The following SMC3 variants were observed in gnomAD, a reference collection of about 807,000 sequenced individuals.
The protein encoded by SMC3 is structural maintenance of chromosomes protein 3.
Under a neutral mutation model 171.8 loss-of-function variants are expected in SMC3, and 20 were observed. That is an observed-to-expected ratio of 0.12 (90% CI 0.08 to 0.17). The LOEUF is 0.17. Among genes scored for constraint, SMC3 ranks in the 10% least tolerant of loss-of-function variants. SMC3 has a pLI of 1.00. For missense variants in SMC3, 543 were observed against 1,420.4 expected (o/e 0.38, Z 9.93); for synonymous variants, 464 against 451.1 (o/e 1.03, Z -0.36).
chr10:110,604,204 T>C, intron 28 of SMC3, 27 bp from the exon 29 acceptor site: 1 of 1,510,208 alleles, frequency 6.6e-7, no homozygotes, highest in Non-Finnish European at 9.2e-7. Context: ...AATTAACAGA[T>C]TTTTGTTTTT....
chr10:110,594,894 A>G (rs1011098900), intron 18 of SMC3, among the ~76,000 whole-genome samples: 3 of 152,130 alleles, frequency 2.0e-5, no homozygotes, highest in African/African-American at 7.2e-5. Flanking sequence ...ACATTAACCT[A>G]ATATCCTCTA....
At chr10:110,575,314 A>G in intron 3 of SMC3, 22 bp from the exon 4 acceptor site, 1 of 1,598,502 alleles carries the variant, frequency 6.3e-7, no homozygotes, top group Non-Finnish European at 8.6e-7. Flanking sequence ...GGGTATACTA[A>G]TAGTTGTTTT....
chr10:110,577,093 T>C (rs1269458267), intron 4 of SMC3, among the ~76,000 whole-genome samples: 1 of 152,198 alleles, frequency 6.6e-6, no homozygotes, highest in Non-Finnish European at 1.5e-5. Flanking sequence ...TATTTAAGGA[T>C]ATCTAACTTT....
rs569358268 is a variant in SMC3 at position 110,605,539 on chromosome 10, T to G, written c.*1237T>G. On this transcript the variant is annotated 3_prime_UTR_variant, in exon 29 of 29. Transcript: ENST00000361804. ...AATACCTAAAGAGATACTTTTAAAA[T>G]AAAGAAATAGTAATGGGACTTTAAA... Among the ~76,000 whole-genome samples the G allele has an allele frequency of 5.9e-5, 9 of 152,328 alleles. No individual in the cohort carries two copies. Among genetic ancestry groups the G allele is most frequent in the African/African-American group, 1.7e-4 (7 of 41,584 alleles).
At chr10:110,569,494 C>T (rs1860836032) in intron 2 of SMC3, among the ~76,000 whole-genome samples, 1 of 151,894 alleles carries the variant, frequency 6.6e-6, no homozygotes, top group Non-Finnish European at 1.5e-5. Flanking sequence ...GGGGTGGGGG[C>T]CTGGGGGAGG....
intron 14 of SMC3, 89 bp from the exon 15 acceptor site, chr10:110,589,803 G>C: frequency 2.0e-6 from 3 of 1,480,664 alleles, no homozygotes; most frequent in Non-Finnish European, 2.8e-6. Context: ...GGTCAGGCTT[G>C]TTTTCTGTAT....
rs538451764 is a variant in SMC3, at chr10:110,573,096, CAA to C, written c.92-610_92-609del. ...TAATTTGCTCAGGATATTTCTGGCT[CAA>C]GAGTGAGAAGACTGACATAGTTATT... On this transcript the variant is annotated intron_variant, in intron 2 of 28. Coordinates refer to ENST00000361804, the MANE Select transcript of SMC3 (RefSeq NM_005445.4). Among the ~76,000 whole-genome samples, 18 of 152,166 alleles carry C rather than the reference CAA, an allele frequency of 1.2e-4. No homozygotes were observed. The South Asian group carries it at 3.1e-3, about 26-fold the overall frequency.
intron 6 of SMC3, 89 bp downstream of exon 6, chr10:110,578,003 C>T (rs1860978301): frequency 3.4e-6 from 3 of 883,500 alleles, no homozygotes; most frequent in East Asian, 5.0e-5. Flanking sequence ...GTCTCGAACT[C>T]TTGGCCTCAA....
chr10:110,580,138 C>T (rs1186301785), intron 7 of SMC3, among the ~76,000 whole-genome samples: 1 of 151,936 alleles, frequency 6.6e-6, no homozygotes, highest in Non-Finnish European at 1.5e-5. Flanking sequence ...TATAATTAAT[C>T]TAGATATTAA....
chr10:110,570,046 T>G (rs533769160), intron 2 of SMC3, among the ~76,000 whole-genome samples: 2 of 152,308 alleles, frequency 1.3e-5, no homozygotes, highest in Admixed American at 1.3e-4. Context: ...AGATATTTTT[T>G]TTCTCATAGT....
At chr10:110,599,573 C>A in intron 20 of SMC3, 81 bp from the exon 21 acceptor site, 1 of 1,295,910 alleles carries the variant, frequency 7.7e-7, no homozygotes, top group Non-Finnish European at 1.1e-6. Context: ...TTAGCTCAAT[C>A]AAATATAGAT....
intron 17 of SMC3, among the ~76,000 whole-genome samples, chr10:110,591,581 G>T (rs1348651147): frequency 6.6e-6 from 1 of 152,152 alleles, no homozygotes; most frequent in East Asian, 1.9e-4. Context: ...GAAAAAAATG[G>T]CTAGTAAGGT....
chr10:110,575,884 A>T (rs1163888160), intron 4 of SMC3, among the ~76,000 whole-genome samples: 2 of 152,244 alleles, frequency 1.3e-5, no homozygotes, highest in Admixed American at 6.5e-5. Flanking sequence ...GAGGTTGCAG[A>T]TTAGGAACTT....
chr10:110,567,831 G>A lies in SMC3; in HGVS notation c.15G>A (p.Gln5=), dbSNP rs1860796238. 2 of 1,613,514 alleles carry A rather than the reference G, an allele frequency of 1.2e-6. No homozygotes were observed. The highest frequency in any genetic ancestry group is 1.7e-6 in the Non-Finnish European group (2 of 1,179,768). Residue 5 remains glutamine, a splice_region_variant and synonymous_variant, in exon 1 of 29, where the codon CAG becomes CAA. Coordinates refer to ENST00000361804, the MANE Select transcript of SMC3 (RefSeq NM_005445.4). ...GGCCCGGAATCATGTACATAAAGCA[G>A]GTAAGGCCTTCGCGTCCCTCCACCC... MYIK[Q]VIIQGFRSYR... is the part of the protein sequence containing the mutation.
Position 110,603,012 on chromosome 10 carries a change from CAGTACAGTTTT to C in SMC3, c.3475+11_3475+21del. ...AGAAAGGCTGTGTCAGGTACAGTTT[CAGTACAGTTTT>C]GGTTTTGTATTTAACAATAAGCTGG... On this transcript the variant is annotated intron_variant, in intron 27 of 28. Transcript: ENST00000361804. The C allele has an allele frequency of 6.2e-7, 1 of 1,613,902 alleles. No individual in the cohort carries two copies. Among genetic ancestry groups the C allele is most frequent in the Non-Finnish European group, 8.5e-7 (1 of 1,179,840 alleles).
Position 110,605,677 on chromosome 10 carries a change from AAT to A in SMC3, c.*1377_*1378del, listed in dbSNP as rs1333232393. Among the ~76,000 whole-genome samples, 2 of 152,206 alleles carry A rather than the reference AAT, an allele frequency of 1.3e-5. No homozygotes were observed. The highest frequency in any genetic ancestry group is 2.9e-5 in the Non-Finnish European group (2 of 68,018). ...CTTTGCTATAACATAACTGATCTATAATAGAGAATTTGGTATATGTTCTATCT... is the reference window on the plus strand; with the variant it reads ...CTTTGCTATAACATAACTGATCTATAAGAGAATTTGGTATATGTTCTATCT... On this transcript the variant is annotated 3_prime_UTR_variant, in exon 29 of 29. Transcript: ENST00000361804.
At chr10:110,573,610 T>C in intron 2 of SMC3, 97 bp from the exon 3 acceptor site, 1 of 817,590 alleles carries the variant, frequency 1.2e-6, no homozygotes, top group Non-Finnish European at 2.0e-6. Flanking sequence ...TATTAGAAAA[T>C]TGGATTTTAA....
chr10:110,571,448 G>C (rs991678559), intron 2 of SMC3, among the ~76,000 whole-genome samples: 5 of 152,226 alleles, frequency 3.3e-5, no homozygotes, highest in African/African-American at 1.2e-4. Flanking sequence ...TTCTGACAAG[G>C]ATTTGTTTGC....
intron 24 of SMC3, 21 bp from the exon 25 acceptor site, chr10:110,601,945 A>G (rs371614052): frequency 1.9e-6 from 3 of 1,607,710 alleles, no homozygotes; most frequent in Non-Finnish European, 2.6e-6. Flanking sequence ...ATTTATATGA[A>G]TACATATTTT....
Sources: gnomAD v4.1 joint callset for allele counts (sites outside exome capture counted in the v4.1 genomes callset) on GRCh38, gnomAD v4.1.1 for gene constraint, MANE v1.5 for transcripts, NCBI Gene and HGNC (gene_info 2026-07-23, HGNC 2026-07-21) for gene names.